Variants in TSHZ2 observed in about 807,000 individuals in gnomAD.
TSHZ2 encodes the protein teashirt zinc finger homeobox 2, also known as teashirt homolog 2.
In TSHZ2, 21 loss-of-function variants were observed where a neutral mutation model predicts 74.4. That is an observed-to-expected ratio of 0.28 (90% CI 0.20 to 0.41). The LOEUF is 0.41. Among genes scored for constraint, TSHZ2 ranks in the 10% least tolerant of loss-of-function variants. TSHZ2 has a pLI of 1.00. For missense variants in TSHZ2, 1,244 were observed against 1,293.5 expected (o/e 0.96, Z 0.59); for synonymous variants, 540 against 515.3 (o/e 1.05, Z -0.65).
intron 1 of TSHZ2, among the ~76,000 whole-genome samples, chr20:53,253,043 C>T (rs1382446254): frequency 2.0e-5 from 3 of 151,686 alleles, no homozygotes; most frequent in Non-Finnish European, 2.9e-5. Flanking sequence ...GGTTATATGC[C>T]AATATATCCA....
intron 1 of TSHZ2, among the ~76,000 whole-genome samples, chr20:53,216,455 C>T (rs1400214223): frequency 6.6e-6 from 1 of 152,188 alleles, no homozygotes; most frequent in Non-Finnish European, 1.5e-5. Flanking sequence ...GCACTGAAGG[C>T]CACAAATGTG....
intron 2 of TSHZ2, among the ~76,000 whole-genome samples, chr20:53,371,732 G>A (rs1318880512): frequency 2.6e-5 from 4 of 151,556 alleles, no homozygotes; most frequent in Admixed American, 6.6e-5. Context: ...AAAAGTTAGC[G>A]GGGCATGGTG....
At chr20:52,990,424 T>G (rs1477193034) in intron 1 of TSHZ2, among the ~76,000 whole-genome samples, 1 of 140,830 alleles carries the variant, frequency 7.1e-6, no homozygotes, top group Non-Finnish European at 1.5e-5. Context: ...CAATAATAAG[T>G]GTGTTAAGAA....
At chr20:53,041,045 C>A (rs961096806) in intron 1 of TSHZ2, among the ~76,000 whole-genome samples, 2 of 152,306 alleles carry the variant, frequency 1.3e-5, no homozygotes, top group Non-Finnish European at 2.9e-5. Flanking sequence ...GAAGCTGAGC[C>A]GTCTCCTAAG....
intron 1 of TSHZ2, among the ~76,000 whole-genome samples, chr20:53,032,457 A>C (rs1983675165): frequency 6.6e-6 from 1 of 152,212 alleles, no homozygotes. Flanking sequence ...ATCTTGGGAC[A>C]TAAACTCTTG....
intron 2 of TSHZ2, among the ~76,000 whole-genome samples, chr20:53,379,080 T>C (rs756941454): frequency 2.0e-5 from 3 of 152,188 alleles, no homozygotes; most frequent in Non-Finnish European, 4.4e-5. Context: ...CAGTGCTTGC[T>C]ACATAAAAGG....
At position 53,122,841 on chromosome 20, in the gene TSHZ2, G is replaced by A. The variant is rs138619195; in HGVS notation, c.41-130658G>A. On this transcript the variant is annotated intron_variant, in intron 1 of 2. Coordinates refer to ENST00000371497, the MANE Select transcript of TSHZ2 (RefSeq NM_173485.6). ...TCTTTTTCATCTAGAATTGGTGGGG[G>A]ACAGGGCATGAGGAAGGCCCACTCT... is the stretch of plus-strand genomic sequence containing the variant. 9.1e-3 allele frequency among the ~76,000 whole-genome samples: 1,386 copies of A among 152,268 alleles called. 23 individuals carry two copies. Among genetic ancestry groups the A allele is most frequent in the African/African-American group, 0.032 (1,346 of 41,528 alleles).
chr20:53,296,741 T>C (rs1991388185), intron 2 of TSHZ2, among the ~76,000 whole-genome samples: 1 of 152,204 alleles, frequency 6.6e-6, no homozygotes, highest in Admixed American at 6.5e-5. Context: ...ATCTCTTATC[T>C]TTTCCCTGTT....
intron 1 of TSHZ2, among the ~76,000 whole-genome samples, chr20:53,041,957 C>T (rs1387907264): frequency 6.6e-6 from 1 of 152,112 alleles, no homozygotes. Context: ...ATTATGGTGG[C>T]AAGTTCCTCC....
At chr20:53,438,812 T>C (rs1984199473) in intron 2 of TSHZ2, among the ~76,000 whole-genome samples, 1 of 152,008 alleles carries the variant, frequency 6.6e-6, no homozygotes, top group African/African-American at 2.4e-5. Flanking sequence ...ATTACGAAAT[T>C]AGCCAGACGT....
intron 1 of TSHZ2, among the ~76,000 whole-genome samples, chr20:53,204,778 A>G (rs1244145797): frequency 6.6e-6 from 1 of 152,122 alleles, no homozygotes; most frequent in East Asian, 1.9e-4. Context: ...AACATTGAGT[A>G]TTAGAAAGCT....
chr20:53,396,352 T>C (rs566715020), intron 2 of TSHZ2, among the ~76,000 whole-genome samples: 2 of 152,332 alleles, frequency 1.3e-5, no homozygotes, highest in African/African-American at 4.8e-5. Flanking sequence ...AGTTTATTCC[T>C]GACAATGACC....
intron 2 of TSHZ2, among the ~76,000 whole-genome samples, chr20:53,403,407 C>T (rs573949112): frequency 7.2e-4 from 110 of 152,322 alleles, no homozygotes; most frequent in Non-Finnish European, 1.0e-3. Context: ...CTCTCTTCTG[C>T]GGGTTCCCCA....
chr20:53,407,656 C>G (rs1982899553), intron 2 of TSHZ2, among the ~76,000 whole-genome samples: 1 of 152,128 alleles, frequency 6.6e-6, no homozygotes, highest in Admixed American at 6.5e-5. Flanking sequence ...GAATTCTTGC[C>G]ATACATCTAT....
chr20:53,137,634 C>G (rs1015363636), intron 1 of TSHZ2, among the ~76,000 whole-genome samples: 1 of 152,178 alleles, frequency 6.6e-6, no homozygotes. Context: ...TTCACCCCCA[C>G]GGCTGCTGCT....
intron 1 of TSHZ2, among the ~76,000 whole-genome samples, chr20:53,099,265 G>A (rs1161396718): frequency 1.3e-5 from 2 of 152,194 alleles, no homozygotes; most frequent in Admixed American, 1.3e-4. Context: ...TATCTGGAAT[G>A]TCCCAATTCT....
rs1985974445 is a variant in TSHZ2 at position 53,475,798 on chromosome 20, T to G, written c.*9-11346T>G. Among the ~76,000 whole-genome samples, 3 of 139,600 alleles carry G rather than the reference T, an allele frequency of 2.1e-5. No individual in the cohort carries two copies. In the South Asian group the frequency reaches 7.1e-4, roughly 33 times the overall value. 91.6% of individuals were successfully genotyped at this position (139,600 alleles called of 152,430 possible). ...AAGAAGAAAAGAGAGAAGAATCAAA[T>G]AGACGCAATAAAAAATGACAAAGGG... On this transcript the variant is annotated intron_variant, in intron 2 of 2. Transcript: ENST00000371497.
intron 2 of TSHZ2, among the ~76,000 whole-genome samples, chr20:53,477,695 A>C (rs1986025744): frequency 6.8e-6 from 1 of 146,448 alleles, no homozygotes; most frequent in Non-Finnish European, 1.5e-5. Flanking sequence ...TCTGCACAGC[A>C]AAAGAAACTA....
intron 1 of TSHZ2, among the ~76,000 whole-genome samples, chr20:53,067,825 A>G (rs575957908): frequency 6.6e-6 from 1 of 152,330 alleles, no homozygotes; most frequent in East Asian, 1.9e-4. Context: ...GTGGCTTAAA[A>G]TCACAGAAAT....
Sources: gnomAD v4.1 joint callset for allele counts (sites outside exome capture counted in the v4.1 genomes callset) on GRCh38, gnomAD v4.1.1 for gene constraint, MANE v1.5 for transcripts, NCBI Gene and HGNC (gene_info 2026-07-23, HGNC 2026-07-21) for gene names.